TENT5D: variants seen among roughly 807,000 people sequenced by gnomAD.
TENT5D encodes the protein terminal nucleotidyltransferase 5D.
For synonymous variants in TENT5D, 103 were observed against 100.6 expected (o/e 1.02, Z -0.15); for missense variants, 191 against 287.0 (o/e 0.67, Z 2.42).
chrX:80,443,672 A>C (rs772919719), exon 3 of TENT5D: 43 of 1,194,320 alleles, frequency 3.6e-5, no homozygotes, highest in Non-Finnish European at 4.6e-5. Flanking sequence ...CAGCCATACC[A>C]CCCACTGCAC....
At chrX:80,395,336 A>G (rs975297828) in intron 3 of TENT5D, among the ~76,000 whole-genome samples, 4 of 112,174 alleles carry the variant, frequency 3.6e-5, no homozygotes, top group Admixed American at 2.8e-4. Context: ...GGGAGTACAG[A>G]TATCTCTTTG....
chrX:80,438,036 C>T (rs1468939942), intron 1 of TENT5D, among the ~76,000 whole-genome samples: 2 of 111,437 alleles, frequency 1.8e-5, no homozygotes, highest in African/African-American at 6.5e-5. Flanking sequence ...AAGTTTATGG[C>T]TTAAAAGAGC....
At chrX:80,380,171 T>C (rs1006231408) in intron 3 of TENT5D, among the ~76,000 whole-genome samples, 2 of 109,667 alleles carry the variant, frequency 1.8e-5, no homozygotes, top group Non-Finnish European at 3.8e-5. Context: ...TTTGTTCTCA[T>C]TGGTTTCAAA....
chrX:80,434,160 A>AG (rs1556125642), intron 1 of TENT5D, among the ~76,000 whole-genome samples: 2 of 106,313 alleles, frequency 1.9e-5, no homozygotes, highest in African/African-American at 3.4e-5. Context: ...CAAAAAAAAA[A>AG]GGGAAATGGA....
intron 3 of TENT5D, among the ~76,000 whole-genome samples, chrX:80,347,201 T>G (rs534850803): frequency 2.2e-3 from 241 of 111,442 alleles, no homozygotes; most frequent in African/African-American, 7.3e-3. Flanking sequence ...CCAGTAATGG[T>G]ATTGCTGGGT....
chrX:80,427,469 C>T, intron 1 of TENT5D, among the ~76,000 whole-genome samples: 1 of 112,163 alleles, frequency 8.9e-6, no homozygotes, highest in African/African-American at 3.2e-5. Context: ...ATCTTTAAGG[C>T]TGTTTTTATT....
rs770706493 is a variant in TENT5D at position 80,369,351 on chromosome X, G to A, written c.-142+26787G>A. ...TAAAAATCCAAATGTAAGGAGAATC[G>A]TATTTAGATTGTACTTAGATTTTTA... On this transcript the variant is annotated intron_variant, in intron 3 of 4. Coordinates refer to the TENT5D transcript ENST00000538312. 2.3e-4 allele frequency among the ~76,000 whole-genome samples: 26 copies of A among 111,977 alleles called. 1 individual carries two copies. In the East Asian group the frequency reaches 2.8e-3, roughly 12 times the overall value.
intron 3 of TENT5D, among the ~76,000 whole-genome samples, chrX:80,405,618 C>G (rs956444133): frequency 1.8e-5 from 2 of 111,788 alleles, no homozygotes; most frequent in Non-Finnish European, 3.8e-5. Flanking sequence ...CAGGGAGTCT[C>G]GCTGATTGCT....
chrX:80,387,286 G>T (rs749759409), intron 3 of TENT5D, among the ~76,000 whole-genome samples: 1 of 112,067 alleles, frequency 8.9e-6, no homozygotes, highest in Non-Finnish European at 1.9e-5. Context: ...TGCTCTTGAT[G>T]CTTGTAGATA....
intron 3 of TENT5D, among the ~76,000 whole-genome samples, chrX:80,386,213 C>A (rs1931000501): frequency 8.9e-6 from 1 of 112,108 alleles, no homozygotes; most frequent in Admixed American, 9.5e-5. Context: ...GAAAATGTGG[C>A]ACATATACAC....
At chrX:80,399,192 A>G (rs1361941554) in intron 3 of TENT5D, among the ~76,000 whole-genome samples, 1 of 111,824 alleles carries the variant, frequency 8.9e-6, no homozygotes, top group Non-Finnish European at 1.9e-5. Context: ...TGCCCAGAAC[A>G]GTGTCATGTA....
At chrX:80,366,589 A>G (rs969664969) in intron 3 of TENT5D, among the ~76,000 whole-genome samples, 4 of 111,449 alleles carry the variant, frequency 3.6e-5, no homozygotes, top group Non-Finnish European at 7.5e-5. Context: ...TAAAAGAAAA[A>G]GTCATATATT....
chrX:80,392,598 G>T (rs1405608193), intron 3 of TENT5D, among the ~76,000 whole-genome samples: 2 of 85,731 alleles, frequency 2.3e-5, no homozygotes, highest in Non-Finnish European at 4.2e-5. Context: ...CTCACTGCAA[G>T]CTCCGCTTCC....
chrX:80,373,776 T>C (rs1402355177), intron 3 of TENT5D, among the ~76,000 whole-genome samples: 1 of 111,719 alleles, frequency 9.0e-6, no homozygotes, highest in Non-Finnish European at 1.9e-5. Flanking sequence ...GCTCCTGGGC[T>C]TTTGTCTGTT....
intron 3 of TENT5D, among the ~76,000 whole-genome samples, chrX:80,393,102 A>C (rs1393891815): frequency 9.3e-6 from 1 of 107,926 alleles, no homozygotes; most frequent in Admixed American, 1.0e-4. Context: ...GAATTATTTG[A>C]CAACCAACTT....
At chrX:80,421,456 G>C (rs1448377368) in intron 1 of TENT5D, among the ~76,000 whole-genome samples, 3 of 111,895 alleles carry the variant, frequency 2.7e-5, no homozygotes, top group Non-Finnish European at 5.6e-5. Context: ...CAAAGTGTTG[G>C]GATTACAGGC....
At chrX:80,403,152 A>C (rs2147546719) in intron 3 of TENT5D, among the ~76,000 whole-genome samples, 1 of 112,199 alleles carries the variant, frequency 8.9e-6, no homozygotes, top group African/African-American at 3.2e-5. Context: ...TCATATTTGT[A>C]TTTTTTACTG....
chrX:80,435,694 A>C (rs920311945), intron 1 of TENT5D, among the ~76,000 whole-genome samples: 17 of 112,376 alleles, frequency 1.5e-4, no homozygotes, highest in African/African-American at 5.5e-4. Flanking sequence ...AAGGACCTTC[A>C]TAGGTTGTCT....
rs760190518 is a variant in TENT5D at position 80,368,523 on chromosome X, G to A, written c.-142+25959G>A. On this transcript the variant is annotated intron_variant, in intron 3 of 4. Transcript: ENST00000538312. ...ATCTTGTTGGTCTGTCATAGTGCCC[G>A]GTGCCTCGTAGGTATTTGAGAATTA... 3.6e-5 allele frequency among the ~76,000 whole-genome samples: 4 copies of A among 111,496 alleles called. No individual in the cohort carries two copies. In the South Asian group the frequency reaches 1.5e-3, roughly 42 times the overall value.
Sources: gnomAD v4.1 joint callset for allele counts (sites outside exome capture counted in the v4.1 genomes callset) on GRCh38, gnomAD v4.1.1 for gene constraint, MANE v1.5 for transcripts, NCBI Gene and HGNC (gene_info 2026-07-23, HGNC 2026-07-21) for gene names.